The following SPTBN5 variants were observed in gnomAD, a reference collection of about 807,000 sequenced individuals.
SPTBN5 encodes the protein spectrin beta, non-erythrocytic 5.
Under a neutral mutation model 477.6 loss-of-function variants are expected in SPTBN5, and 513 were observed. The ratio of observed to expected loss-of-function variants is 1.07; its 90% CI spans 1.00 to 1.16. SPTBN5 has a LOEUF of 1.16. Among genes scored for constraint, SPTBN5 ranks in the 50% most tolerant of loss-of-function variants. The pLI, the probability that SPTBN5 is intolerant of heterozygous loss-of-function variation, is 0.00. For missense variants in SPTBN5, 5,062 were observed against 4,731.8 expected (o/e 1.07, Z -2.05); for synonymous variants, 2,169 against 2,011.7 (o/e 1.08, Z -2.09).
At position 41,877,147 on chromosome 15, in the gene SPTBN5, T is replaced by C; in HGVS notation, c.3680A>G (p.His1227Arg). 1 of 1,613,962 alleles carries C rather than the reference T, an allele frequency of 6.2e-7. No homozygotes were observed. The highest frequency in any genetic ancestry group is 1.3e-5 in the African/African-American group (1 of 75,058). Reference protein sequence around the residue: ...VDGFTATCANHQAWLHLDNLG... With the variant: ...VDGFTATCANRQAWLHLDNLG... ...GTTGTCCAGGTGCAGCCAGGCCTGG[T>C]GGTTGGCACAGGTGGCAGTGAAACC... The change falls in exon 18 of 68, where the codon CAC becomes CGC. Residue 1227 changes from histidine (H) to arginine (R), a missense_variant. Transcript: ENST00000320955.
chr15:41,875,768 G>T, intron 21 of SPTBN5, 146 bp from the exon 22 acceptor site: 1 of 889,128 alleles, frequency 1.1e-6, no homozygotes, highest in Non-Finnish European at 1.7e-6. Context: ...CAGTTCATGT[G>T]GCCCCAAAAC....
intron 65 of SPTBN5, 45 bp downstream of exon 65, chr15:41,851,014 G>C (rs1567178781): frequency 6.3e-7 from 1 of 1,596,974 alleles, no homozygotes; most frequent in Non-Finnish European, 8.5e-7. Flanking sequence ...CGCTGAGCCA[G>C]GTGGCTGCTG....
rs957620569 is a variant in SPTBN5 at position 41,848,501 on chromosome 15, TG to T, written c.*114del. On this transcript the variant is annotated 3_prime_UTR_variant, in exon 68 of 68. Transcript: ENST00000320955. ...ATTCCAGAAGCTGGGCCTGGGGAAC[TG>T]GGTTGAAGCAGCCACGGGAAGGAGC... 4.8e-6 allele frequency: 6 copies of T among 1,242,210 alleles called. No homozygotes were observed. The highest frequency in any genetic ancestry group is 1.5e-5 in the African/African-American group (1 of 67,442). 76.9% of individuals were successfully genotyped at this position (1,242,210 alleles called of 1,614,324 possible).
At position 41,853,731 on chromosome 15, in the gene SPTBN5, T is replaced by G. The variant is rs1441499328; in HGVS notation, c.9831A>C (p.Arg3277=). 3.8e-6 allele frequency: 6 copies of G among 1,588,158 alleles called. No individual in the cohort carries two copies. Among genetic ancestry groups the G allele is most frequent in the Non-Finnish European group, 5.1e-6 (6 of 1,167,892 alleles). ...GAGCTGCAGGATGTAGCTGGCCCAG[T>G]CGGCAGGCCTCCGTCTGTAGCCGTG... is the stretch of plus-strand genomic sequence containing the variant. ...EVARLQTEAC[R]LGQLHPAAPG... The change falls in exon 58 of 68, where the codon CGA becomes CGC. Residue 3277 remains arginine (R), a synonymous_variant. Transcript: ENST00000320955.
intron 36 of SPTBN5, 96 bp from the exon 37 acceptor site, chr15:41,866,589 CAG>C (rs978787930): frequency 7.3e-7 from 1 of 1,371,450 alleles, no homozygotes; most frequent in African/African-American, 1.5e-5. Context: ...AGGCTGGCCT[CAG>C]GGGTGGGGCG....
At chr15:41,874,176 A>T (rs2066639221) in intron 24 of SPTBN5, 116 bp downstream of exon 24, 2 of 1,505,252 alleles carry the variant, frequency 1.3e-6, no homozygotes, top group African/African-American at 2.8e-5. Flanking sequence ...GAGATTTGGA[A>T]ATTGGGATAC....
chr15:41,860,811 AG>A, intron 46 of SPTBN5, 53 bp from the exon 47 acceptor site: 1 of 1,412,504 alleles, frequency 7.1e-7, no homozygotes, highest in South Asian at 1.6e-5. Context: ...CTCCCATCCC[AG>A]GCTACCTGCC....
At chr15:41,853,163 T>C in intron 59 of SPTBN5, 95 bp downstream of exon 59, 1 of 1,505,856 alleles carries the variant, frequency 6.6e-7, no homozygotes, top group Non-Finnish European at 8.9e-7. Flanking sequence ...AGCCTTCCTT[T>C]CCTGCTGGTT....
In SPTBN5 at chr15:41,890,302, C is replaced by T. The variant is rs989443344; in HGVS notation, c.385-97G>A. The T allele has an allele frequency of 3.8e-6, 3 of 798,976 alleles. No individual in the cohort carries two copies. The Admixed American group carries it at 6.1e-5, about 16-fold the overall frequency. 49.5% of individuals were successfully genotyped at this position (798,976 alleles called of 1,614,324 possible). A position where few individuals can be genotyped will look rare whatever the true frequency, so the allele number is the denominator to read the frequency against. The stretch of plus-strand genomic sequence containing the variant: ...GGGGCCAGCTGCGGGATGGGAGCAT[C>T]CTGGAATCTATCCTGCCCCAGCTGG... On this transcript the variant is annotated intron_variant, in intron 3 of 67. Coordinates refer to ENST00000320955, the MANE Select transcript of SPTBN5 (RefSeq NM_016642.4).
At position 41,864,528 on chromosome 15, in the gene SPTBN5, T is replaced by G. The variant is rs187983250; in HGVS notation, c.6919-504A>C. On this transcript the variant is annotated intron_variant, in intron 39 of 67. Coordinates refer to ENST00000320955, the MANE Select transcript of SPTBN5 (RefSeq NM_016642.4). ...GGGGTTTCACCATGTTGGCCAGGCTTGTCTCAAACTACTGACCTCAAGTGA... is the reference window on the plus strand; with the variant it reads ...GGGGTTTCACCATGTTGGCCAGGCTGGTCTCAAACTACTGACCTCAAGTGA... 4.5e-3 allele frequency among the ~76,000 whole-genome samples: 689 copies of G among 152,320 alleles called. 6 individuals carry two copies. Among genetic ancestry groups the G allele is most frequent in the African/African-American group, 0.015 (629 of 41,576 alleles).
Position 41,882,019 on chromosome 15 carries a change from G to T in SPTBN5, c.2374C>A (p.Arg792Ser), listed in dbSNP as rs1256011537. Residue 792 changes from arginine to serine, a missense_variant, in exon 12 of 68, where the codon CGC becomes AGC. Coordinates refer to ENST00000320955, the MANE Select transcript of SPTBN5 (RefSeq NM_016642.4). ...TCGGCCGCGAAGGCGCGCAGGACGCGCTCCAGCCGCACGTGGCGCCTCAGC... is the reference window on the plus strand; with the variant it reads ...TCGGCCGCGAAGGCGCGCAGGACGCTCTCCAGCCGCACGTGGCGCCTCAGC... ...TLLRRHVRLERVLRAFAAELR... is the reference protein window; with the variant it reads ...TLLRRHVRLESVLRAFAAELR... 3 of 1,539,980 alleles carry T rather than the reference G, an allele frequency of 1.9e-6. No individual in the cohort carries two copies. The highest frequency in any genetic ancestry group is 2.4e-5 in the South Asian group (2 of 84,310).
chr15:41,890,054 T>C, intron 4 of SPTBN5, 35 bp downstream of exon 4: 1 of 1,460,872 alleles, frequency 6.8e-7, no homozygotes, highest in Non-Finnish European at 9.5e-7. Flanking sequence ...CTGGGCTGGG[T>C]CACCAGGTGC....
At position 41,853,628 on chromosome 15, in the gene SPTBN5, G is replaced by A; in HGVS notation, c.9934C>T (p.Gln3312Ter). 1.3e-6 allele frequency: 2 copies of A among 1,593,242 alleles called. No homozygotes were observed. The highest frequency in any genetic ancestry group is 1.7e-6 in the Non-Finnish European group (2 of 1,170,890). ...KAQERGQWLA[Q>*]AAQGHAFLGR... Reference sequence around the variant, plus strand: ...AGGAAGGCATGGCCCTGTGCAGCCTGCGCCAGCCACTGGCCTCGCTCCTGG... The same window carrying A: ...AGGAAGGCATGGCCCTGTGCAGCCTACGCCAGCCACTGGCCTCGCTCCTGG... Residue 3312 changes from glutamine (Q) to a stop codon, truncating the protein, a stop_gained, in exon 58 of 68, where the codon CAG (glutamine) becomes TAG (stop). Coordinates refer to ENST00000320955, the MANE Select transcript of SPTBN5 (RefSeq NM_016642.4). LOFTEE classifies it high-confidence loss of function.
intron 62 of SPTBN5, 51 bp from the exon 63 acceptor site, chr15:41,851,901 A>AG (rs2140910155): frequency 6.9e-7 from 1 of 1,455,156 alleles, no homozygotes; most frequent in South Asian, 1.2e-5. Flanking sequence ...ACCCTCAGGA[A>AG]GGTGGGCAAG....
At position 41,861,902 on chromosome 15, in the gene SPTBN5, C is replaced by G; in HGVS notation, c.7570G>C (p.Asp2524His). The part of the protein sequence containing the change: ...ECKAELDSWT[D>H]SISLARSTGQ... Reference sequence around the variant, plus strand: ...GTGCTTCGGGCCAGGCTGATGCTGTCTGTCCAGGAGTCCAGCTCGGCCTGG... The same window carrying G: ...GTGCTTCGGGCCAGGCTGATGCTGTGTGTCCAGGAGTCCAGCTCGGCCTGG... Residue 2524 changes from aspartate (D) to histidine (H), a missense_variant, in exon 45 of 68, where the codon GAC (aspartate) becomes CAC (histidine). Transcript: ENST00000320955. The G allele has an allele frequency of 4.4e-6, 7 of 1,606,304 alleles. No homozygotes were observed. The highest frequency in any genetic ancestry group is 5.9e-6 in the Non-Finnish European group (7 of 1,178,880).
At chr15:41,878,025 G>A (rs528664791) in intron 17 of SPTBN5, among the ~76,000 whole-genome samples, 2 of 152,164 alleles carry the variant, frequency 1.3e-5, no homozygotes, top group East Asian at 1.9e-4. Context: ...GGACGGCAGG[G>A]GGGGCTAGAC....
Position 41,856,541 on chromosome 15 carries a change from C to T in SPTBN5, c.8866G>A (p.Gly2956Arg). 1 of 1,602,042 alleles carries T rather than the reference C, an allele frequency of 6.2e-7. No homozygotes were observed. The highest frequency in any genetic ancestry group is 2.2e-5 in the East Asian group (1 of 44,458). ...TGCCCAGCCTGCACCAGCTTGTACC[C>T]AGTGCCCAGCACCACCCGGGTCAGA... is the stretch of plus-strand genomic sequence containing the variant. ...EALTRVVLGT[G>R]YKLVQAGHFA... Residue 2956 changes from glycine to arginine, a missense_variant, in exon 53 of 68, where the codon GGG becomes AGG. Physicochemically the swap from Gly to Arg is moderately radical, Grantham distance 125. Transcript: ENST00000320955.
At chr15:41,891,760 C>T (rs1263810566) in intron 3 of SPTBN5, among the ~76,000 whole-genome samples, 1 of 152,162 alleles carries the variant, frequency 6.6e-6, no homozygotes, top group South Asian at 2.1e-4. Context: ...ATGGGAGCAT[C>T]TCCATAAGCG....
Position 41,882,163 on chromosome 15 carries a change from G to C in SPTBN5, c.2248-18C>G. ...GCGAAGTACTGTGGGAGGGGGTCGG[G>C]GGTGGTGTGGGTGAAGGGGCGCGGC... On this transcript the variant is annotated intron_variant, in intron 11 of 67. Coordinates refer to ENST00000320955, the MANE Select transcript of SPTBN5 (RefSeq NM_016642.4). 1 of 1,551,352 alleles carries C rather than the reference G, an allele frequency of 6.4e-7. No homozygotes were observed. The highest frequency in any genetic ancestry group is 2.3e-4 in the Middle Eastern group (1 of 4,326).
Sources: gnomAD v4.1 joint callset for allele counts (sites outside exome capture counted in the v4.1 genomes callset) on GRCh38, gnomAD v4.1.1 for gene constraint, MANE v1.5 for transcripts, NCBI Gene and HGNC (gene_info 2026-07-23, HGNC 2026-07-21) for gene names.